The following CDC73 variants were observed in gnomAD, a reference collection of about 807,000 sequenced individuals.
CDC73 encodes the protein parafibromin.
In CDC73, 21 loss-of-function variants were observed where a neutral mutation model predicts 83.7. The observed-to-expected ratio is 0.25, with a 90% CI of 0.18 to 0.36. The LOEUF (loss-of-function observed/expected upper bound fraction) is 0.36, where lower values mean the gene tolerates loss of function less well. Ranked by LOEUF, CDC73 falls within the 10% of genes least tolerant of loss-of-function variation. CDC73 has a pLI of 1.00. For missense variants in CDC73, 342 were observed against 653.3 expected, an observed-to-expected ratio of 0.52 and a Z score of 5.19; for synonymous variants, 224 against 212.9, an observed-to-expected ratio of 1.05 and a Z score of -0.45.
chr1:193,141,224 A>G (rs1035229435), intron 6 of CDC73: 3 of 152,320 alleles, frequency 2.0e-5, no homozygotes, highest in Non-Finnish European at 2.9e-5. Flanking sequence ...TATGACGTAT[A>G]CTTTCAGTGT....
chr1:193,127,289 A>G (rs199826007), intron 2 of CDC73, among the ~76,000 whole-genome samples: 165 of 143,232 alleles, frequency 1.2e-3, no homozygotes, highest in African/African-American at 2.3e-3. Flanking sequence ...AAAAAAAAAA[A>G]TGTGTGTGTG....
intron 11 of CDC73, among the ~76,000 whole-genome samples, chr1:193,209,008 G>A (rs1236205218): frequency 6.6e-6 from 1 of 152,150 alleles, no homozygotes; most frequent in African/African-American, 2.4e-5. Flanking sequence ...CCCTTAGTAT[G>A]TGTTCCAATT....
intron 10 of CDC73, among the ~76,000 whole-genome samples, chr1:193,166,894 A>T (rs767493174): frequency 9.2e-5 from 14 of 152,092 alleles, no homozygotes; most frequent in Non-Finnish European, 2.1e-4. Context: ...ACAATGCATG[A>T]TAATAATGTG....
At chr1:193,214,276 G>GT (rs1677324980) in intron 13 of CDC73, among the ~76,000 whole-genome samples, 1 of 152,142 alleles carries the variant, frequency 6.6e-6, no homozygotes, top group African/African-American at 2.4e-5. Context: ...GCATTTCCAG[G>GT]TGTTTATGTA....
chr1:193,162,756 A>ATCAT (rs1415589286), intron 10 of CDC73, among the ~76,000 whole-genome samples: 1 of 152,100 alleles, frequency 6.6e-6, no homozygotes, highest in Non-Finnish European at 1.5e-5. Context: ...CAATCCTGTA[A>ATCAT]TCATTTACCT....
chr1:193,162,348 AC>A lies in CDC73; in HGVS notation c.972+9905del, dbSNP rs781346225. Among the ~76,000 whole-genome samples the A allele has an allele frequency of 2.0e-4, 28 of 138,208 alleles. No homozygotes were observed. The East Asian group carries it at 2.4e-3, about 12-fold the overall frequency. The allele number at this position is 138,208 out of a possible 152,430, so 90.7% of individuals were successfully genotyped here. A position where few individuals can be genotyped will look rare whatever the true frequency, so the allele number is the denominator to read the frequency against. ...ATACTATATACTATATATTATATAT[AC>A]ATATATATTATATATAGTGTATATA... On this transcript the variant is annotated intron_variant, in intron 10 of 16. Transcript: ENST00000367435.
intron 13 of CDC73, among the ~76,000 whole-genome samples, chr1:193,226,396 C>A (rs1016623020): frequency 2.0e-5 from 3 of 152,096 alleles, no homozygotes; most frequent in African/African-American, 4.8e-5. Flanking sequence ...TGTCTTGTTC[C>A]AGTTTTCAGA....
chr1:193,202,038 A>G (rs1295953294), intron 10 of CDC73, among the ~76,000 whole-genome samples: 1 of 152,110 alleles, frequency 6.6e-6, no homozygotes. Flanking sequence ...CTCATTTTCT[A>G]TGTATTTCCT....
At chr1:193,205,060 A>G (rs1030347105) in intron 11 of CDC73, among the ~76,000 whole-genome samples, 2 of 152,134 alleles carry the variant, frequency 1.3e-5, no homozygotes, top group African/African-American at 4.8e-5. Context: ...GTAACTAAAA[A>G]GACTGATTTT....
intron 11 of CDC73, among the ~76,000 whole-genome samples, chr1:193,210,493 G>A (rs1303871427): frequency 6.6e-6 from 1 of 152,168 alleles, no homozygotes; most frequent in Non-Finnish European, 1.5e-5. Context: ...AGAACTTGCA[G>A]CACTTTTTAT....
At chr1:193,125,292 C>T (rs1572142726) in intron 2 of CDC73, 75 bp downstream of exon 2, 3 of 959,348 alleles carry the variant, frequency 3.1e-6, no homozygotes, top group East Asian at 5.2e-5. Flanking sequence ...AGGGTCTGGC[C>T]TTGTTGCCCG....
intron 10 of CDC73, among the ~76,000 whole-genome samples, chr1:193,197,349 T>C (rs1677018371): frequency 6.6e-6 from 1 of 152,162 alleles, no homozygotes. Context: ...GTTTGCTAGG[T>C]CGTGACTTAT....
chr1:193,185,819 C>T (rs1676797030), intron 10 of CDC73, among the ~76,000 whole-genome samples: 1 of 152,068 alleles, frequency 6.6e-6, no homozygotes, highest in South Asian at 2.1e-4. Context: ...AGAATTACTC[C>T]AAGCTACATA....
In CDC73 at chr1:193,224,258, C is replaced by T. The variant is rs16835222; in HGVS notation, c.1155-8735C>T. ...TGTTGCAGTTACTTAGGGGATCTGT[C>T]ATATTATACGAGAAACAGCATAAAG... On this transcript the variant is annotated intron_variant, in intron 13 of 16. Transcript: ENST00000367435. 1.4e-3 allele frequency among the ~76,000 whole-genome samples: 219 copies of T among 151,870 alleles called. 1 individual carries two copies. The highest frequency in any genetic ancestry group is 7.1e-3 in the South Asian group (34 of 4,820).
chr1:193,228,853 T>G (rs1241835931), intron 13 of CDC73, among the ~76,000 whole-genome samples: 2 of 152,286 alleles, frequency 1.3e-5, no homozygotes, highest in South Asian at 4.1e-4. Context: ...GCCAGCCACA[T>G]GCTGGGAGAA....
At chr1:193,228,395 G>A (rs11588960) in intron 13 of CDC73, among the ~76,000 whole-genome samples, 3 of 152,196 alleles carry the variant, frequency 2.0e-5, no homozygotes, top group East Asian at 3.9e-4. Context: ...CAGTTATTAC[G>A]GAGGAACAAA....
chr1:193,192,101 G>A (rs1269645326), intron 10 of CDC73, among the ~76,000 whole-genome samples: 1 of 152,120 alleles, frequency 6.6e-6, no homozygotes, highest in African/African-American at 2.4e-5. Flanking sequence ...TAAATTATTA[G>A]TATCAGAAAG....
chr1:193,162,381 T>C lies in CDC73; in HGVS notation c.972+9937T>C, dbSNP rs185114777. On this transcript the variant is annotated intron_variant, in intron 10 of 16. Coordinates refer to ENST00000367435, the MANE Select transcript of CDC73 (RefSeq NM_024529.5). ...ATTATATATAGTGTATATATATATA[T>C]ACACATATGAAGACAGAGTCTCACT... Among the ~76,000 whole-genome samples the C allele has an allele frequency of 1.8e-3, 250 of 141,432 alleles. 1 individual carries two copies. The highest frequency in any genetic ancestry group is 4.5e-3 in the African/African-American group (171 of 37,692). 92.8% of individuals were successfully genotyped at this position (141,432 alleles called of 152,430 possible). A position where few individuals can be genotyped will look rare whatever the true frequency, so the allele number is the denominator to read the frequency against.
chr1:193,188,060 T>C (rs780256490), intron 10 of CDC73, among the ~76,000 whole-genome samples: 10 of 152,304 alleles, frequency 6.6e-5, no homozygotes, highest in African/African-American at 1.4e-4. Flanking sequence ...TACAGATGTG[T>C]TTTTGTAGAT....
Sources: allele counts gnomAD v4.1 joint callset (sites outside exome capture counted in the v4.1 genomes callset), GRCh38; gene constraint gnomAD v4.1.1; transcripts MANE v1.5; gene names NCBI Gene and HGNC (gene_info 2026-07-23, HGNC 2026-07-21).